RAPGEF5: variants seen among roughly 807,000 people sequenced by gnomAD.
The protein encoded by RAPGEF5 is Rap guanine nucleotide exchange factor 5.
Under a neutral mutation model 125.2 loss-of-function variants are expected in RAPGEF5, and 65 were observed. The observed-to-expected ratio is 0.52, with a 90% CI of 0.43 to 0.64. RAPGEF5 has a LOEUF of 0.64. RAPGEF5 is among the 30% of genes least tolerant of loss of function. The pLI is 0.00. For synonymous variants in RAPGEF5, 391 were observed against 385.9 expected (o/e 1.01, Z -0.16); for missense variants, 958 against 1,048.1 (o/e 0.91, Z 1.19).
intron 7 of RAPGEF5, among the ~76,000 whole-genome samples, chr7:22,263,665 G>T (rs575500595): frequency 3.3e-5 from 5 of 152,000 alleles, no homozygotes; most frequent in African/African-American, 1.2e-4. Flanking sequence ...GGGAGGCAGA[G>T]GTTGCAGTGA....
rs376345651 is a variant in RAPGEF5, at chr7:22,184,390, T to C, written c.1204+8977A>G. Among the ~76,000 whole-genome samples, 31 of 152,354 alleles carry C rather than the reference T, an allele frequency of 2.0e-4. No homozygotes were observed. In the East Asian group the frequency reaches 6.0e-3, roughly 29 times the overall value. On this transcript the variant is annotated intron_variant, in intron 11 of 25. Transcript: ENST00000665637. The stretch of plus-strand genomic sequence containing the variant: ...CTGAATACTTTCTTATTTGGAAAAC[T>C]GTAACATTTGCATAACCTTTCATGC...
intron 1 of RAPGEF5, chr7:22,355,898 G>A (rs1784412039): frequency 1.1e-6 from 1 of 935,368 alleles, no homozygotes; most frequent in Non-Finnish European, 1.3e-6. Flanking sequence ...ACAGCCAAAC[G>A]GGAAAGAAAA....
intron 11 of RAPGEF5, among the ~76,000 whole-genome samples, chr7:22,172,435 T>G (rs1784378636): frequency 6.6e-6 from 1 of 152,182 alleles, no homozygotes; most frequent in African/African-American, 2.4e-5. Flanking sequence ...ATTTTAATTT[T>G]TAGGTCATAT....
At chr7:22,244,003 G>T (rs1219558584) in intron 7 of RAPGEF5, among the ~76,000 whole-genome samples, 5 of 152,060 alleles carry the variant, frequency 3.3e-5, no homozygotes, top group Admixed American at 1.3e-4. Flanking sequence ...TACTTTCTAA[G>T]TTCCACTTTC....
chr7:22,136,026 G>GA lies in RAPGEF5; in HGVS notation c.2416+11dup. ...ATGAAATTACATGGCATAAAAGATAGAAAATCATTACCTTTAAGCAATAAG... is the reference window on the plus strand; with the variant it reads ...ATGAAATTACATGGCATAAAAGATAGAAAAATCATTACCTTTAAGCAATAAG... On this transcript the variant is annotated intron_variant, in intron 23 of 25. Transcript: ENST00000665637. 6.4e-7 allele frequency: 1 copy of GA among 1,566,934 alleles called. No individual in the cohort carries two copies.
At chr7:22,163,022 A>C (rs1784056220) in intron 12 of RAPGEF5, 1 of 456,342 alleles carries the variant, frequency 2.2e-6, no homozygotes, top group African/African-American at 2.0e-5. Context: ...TCTGCAACAG[A>C]ATTTGTAACA....
intron 6 of RAPGEF5, among the ~76,000 whole-genome samples, chr7:22,276,595 T>C (rs923642538): frequency 1.3e-5 from 2 of 152,192 alleles, no homozygotes; most frequent in Admixed American, 1.3e-4. Context: ...GCGAAGACTG[T>C]TTCCAGCTAG....
intron 25 of RAPGEF5, among the ~76,000 whole-genome samples, chr7:22,124,333 C>T (rs1020192259): frequency 6.6e-6 from 1 of 152,176 alleles, no homozygotes; most frequent in Non-Finnish European, 1.5e-5. Context: ...TTCAGTGAAT[C>T]TCTGTGATGA....
intron 12 of RAPGEF5, among the ~76,000 whole-genome samples, chr7:22,165,666 C>A (rs1266585199): frequency 1.3e-5 from 2 of 152,012 alleles, no homozygotes; most frequent in Non-Finnish European, 2.9e-5. Flanking sequence ...TAAAAGTAAT[C>A]ATCATTTCCA....
intron 1 of RAPGEF5, among the ~76,000 whole-genome samples, chr7:22,331,142 T>C (rs1300630173): frequency 6.6e-6 from 1 of 152,116 alleles, no homozygotes; most frequent in Non-Finnish European, 1.5e-5. Context: ...TAGCAACCCG[T>C]GGGAGGAAAC....
intron 7 of RAPGEF5, among the ~76,000 whole-genome samples, chr7:22,252,821 T>C (rs1786658027): frequency 2.0e-5 from 3 of 152,240 alleles, no homozygotes; most frequent in Admixed American, 2.0e-4. Flanking sequence ...GAATGCATTT[T>C]CAATTATTCC....
intron 6 of RAPGEF5, among the ~76,000 whole-genome samples, chr7:22,283,046 T>TACACAC (rs71550469): frequency 0.018 from 2,624 of 148,436 alleles, 61 homozygotes; most frequent in African/African-American, 0.055. Context: ...TGTAAAAAAA[T>TACACAC]ACACACACAC....
chr7:22,255,935 C>G (rs10253641), intron 7 of RAPGEF5, among the ~76,000 whole-genome samples: 2 of 151,926 alleles, frequency 1.3e-5, no homozygotes, highest in Admixed American at 6.6e-5. Flanking sequence ...AAACCTGAGT[C>G]TGCATTCTGC....
chr7:22,319,788 T>C (rs896613483), intron 1 of RAPGEF5, among the ~76,000 whole-genome samples: 1 of 151,764 alleles, frequency 6.6e-6, no homozygotes, highest in African/African-American at 2.4e-5. Context: ...CTGAATCAGC[T>C]AAGAGAAGCA....
At chr7:22,141,862 A>G (rs1783273485) in intron 20 of RAPGEF5, among the ~76,000 whole-genome samples, 1 of 152,192 alleles carries the variant, frequency 6.6e-6, no homozygotes. Context: ...CACTTGGTAT[A>G]TTCCATGAAT....
At chr7:22,334,583 G>A (rs1783990434) in intron 1 of RAPGEF5, among the ~76,000 whole-genome samples, 1 of 152,136 alleles carries the variant, frequency 6.6e-6, no homozygotes. Flanking sequence ...CAGCAGCCTG[G>A]CATTTATTTA....
chr7:22,168,168 C>A (rs1784232018), intron 11 of RAPGEF5, among the ~76,000 whole-genome samples: 1 of 152,052 alleles, frequency 6.6e-6, no homozygotes, highest in South Asian at 2.1e-4. Context: ...TATGTTGAAA[C>A]CTTACCCCTA....
At chr7:22,277,588 T>C (rs1484902787) in intron 6 of RAPGEF5, among the ~76,000 whole-genome samples, 1 of 152,178 alleles carries the variant, frequency 6.6e-6, no homozygotes, top group Non-Finnish European at 1.5e-5. Context: ...GAGCATGTTC[T>C]TCCATGCTCA....
At chr7:22,140,423 T>C (rs534480028) in intron 20 of RAPGEF5, among the ~76,000 whole-genome samples, 8 of 152,344 alleles carry the variant, frequency 5.3e-5, no homozygotes, top group Admixed American at 1.3e-4. Context: ...TTTAAATTCA[T>C]GTTTCTTTAT....
Sources: allele counts gnomAD v4.1 joint callset (sites outside exome capture counted in the v4.1 genomes callset), GRCh38; gene constraint gnomAD v4.1.1; transcripts MANE v1.5; gene names NCBI Gene and HGNC (gene_info 2026-07-23, HGNC 2026-07-21).